The following SNX29 variants were observed in gnomAD, a reference collection of about 807,000 sequenced individuals.
SNX29 encodes sorting nexin-29.
SNX29 carries 78 observed loss-of-function variants against 102.1 expected under a neutral mutation model. The ratio of observed to expected loss-of-function variants is 0.76; its 90% CI spans 0.64 to 0.92. The LOEUF (loss-of-function observed/expected upper bound fraction) is 0.92, where lower values mean the gene tolerates loss of function less well. Among genes scored for constraint, SNX29 ranks in the 40% least tolerant of loss-of-function variants. The pLI is 0.00. For synonymous variants in SNX29, 580 were observed against 414.5 expected (o/e 1.40, Z -4.85); for missense variants, 1,280 against 1,061.7 (o/e 1.21, Z -2.86).
chr16:12,539,595 C>T (rs1034012606), intron 20 of SNX29, among the ~76,000 whole-genome samples: 1 of 152,158 alleles, frequency 6.6e-6, no homozygotes, highest in Admixed American at 6.5e-5. Flanking sequence ...TTCTGTGCGG[C>T]AAATACCTAA....
At chr16:12,356,345 C>T in intron 16 of SNX29, 66 bp downstream of exon 16, 1 of 1,390,282 alleles carries the variant, frequency 7.2e-7, no homozygotes, top group Non-Finnish European at 9.9e-7. Flanking sequence ...TAGAAAAGCA[C>T]AGAGACTCAC....
Position 12,365,903 on chromosome 16 carries a change from G to C in SNX29, c.1899+9624G>C, listed in dbSNP as rs1396435540. Among the ~76,000 whole-genome samples the C allele has an allele frequency of 2.0e-5, 3 of 151,532 alleles. No individual in the cohort carries two copies. In the South Asian group the frequency reaches 6.3e-4, roughly 32 times the overall value. On this transcript the variant is annotated intron_variant, in intron 16 of 20. Coordinates refer to ENST00000566228, the MANE Select transcript of SNX29 (RefSeq NM_032167.5). ...TAAAAATACAAAAAATTAGCCATGC[G>C]TGGTGGCGGGCGCTTGTAGTCCCAG... is the stretch of plus-strand genomic sequence containing the variant.
chr16:12,314,530 G>C (rs988055928), intron 15 of SNX29, among the ~76,000 whole-genome samples: 12 of 152,316 alleles, frequency 7.9e-5, no homozygotes, highest in East Asian at 1.9e-4. Flanking sequence ...TCTTAATAGT[G>C]GTTTGTTGTG....
At chr16:12,287,838 G>C (rs1056408494) in intron 15 of SNX29, among the ~76,000 whole-genome samples, 4 of 152,088 alleles carry the variant, frequency 2.6e-5, no homozygotes, top group East Asian at 1.9e-4. Flanking sequence ...TCTTCCTTAC[G>C]TGTCATTTAT....
intron 20 of SNX29, among the ~76,000 whole-genome samples, chr16:12,562,786 A>AC (rs2078801716): frequency 6.6e-6 from 1 of 152,160 alleles, no homozygotes; most frequent in African/African-American, 2.4e-5. Flanking sequence ...TTTAGCCATC[A>AC]CCATCAAGAT....
At chr16:12,562,562 C>CGT (rs2078788263) in intron 20 of SNX29, among the ~76,000 whole-genome samples, 1 of 152,166 alleles carries the variant, frequency 6.6e-6, no homozygotes, top group Non-Finnish European at 1.5e-5. Context: ...ACACTGTCCC[C>CGT]GTGGTCCCTA....
intron 14 of SNX29, among the ~76,000 whole-genome samples, chr16:12,256,984 T>C (rs1351129133): frequency 2.0e-5 from 3 of 152,228 alleles, no homozygotes; most frequent in African/African-American, 4.8e-5. Flanking sequence ...TAACAAATTA[T>C]CTTACAGATT....
chr16:12,192,916 G>A (rs1353805907), intron 13 of SNX29, among the ~76,000 whole-genome samples: 1 of 152,132 alleles, frequency 6.6e-6, no homozygotes, highest in Non-Finnish European at 1.5e-5. Context: ...TGGCCAGGCT[G>A]GTCTTGAACT....
chr16:12,268,022 G>T (rs116865347), intron 14 of SNX29, among the ~76,000 whole-genome samples: 1 of 152,142 alleles, frequency 6.6e-6, no homozygotes, highest in Non-Finnish European at 1.5e-5. Context: ...TTGCATTTGC[G>T]GTTCCCGGGA....
intron 14 of SNX29, among the ~76,000 whole-genome samples, chr16:12,229,707 A>T (rs761315241): frequency 1.3e-5 from 2 of 152,010 alleles, no homozygotes; most frequent in Non-Finnish European, 2.9e-5. Flanking sequence ...CAATTGAAGT[A>T]GTGTAGAGGG....
At chr16:12,216,691 A>G (rs1327615402) in intron 14 of SNX29, among the ~76,000 whole-genome samples, 2 of 152,164 alleles carry the variant, frequency 1.3e-5, no homozygotes, top group African/African-American at 2.4e-5. Context: ...CCTTGGGCAC[A>G]TTGCCTGCCC....
chr16:12,243,242 G>T (rs1210351154), intron 14 of SNX29, among the ~76,000 whole-genome samples: 2 of 152,198 alleles, frequency 1.3e-5, no homozygotes, highest in African/African-American at 4.8e-5. Context: ...CCACTCTAGG[G>T]CGTATGCCAG....
At chr16:12,089,927 CT>C (rs1436671032) in intron 11 of SNX29, 3 of 286,106 alleles carry the variant, frequency 1.0e-5, no homozygotes, top group Non-Finnish European at 2.1e-5. Context: ...CCTGAGTTGA[CT>C]TAGCGGCCAT....
chr16:12,546,712 ATT>A (rs907424062), intron 20 of SNX29: 4 of 152,210 alleles, frequency 2.6e-5, no homozygotes, highest in Non-Finnish European at 4.4e-5. Context: ...TAAAGCTATT[ATT>A]TTGACTAGAA....
At chr16:12,210,051 C>T (rs1023605639) in intron 14 of SNX29, among the ~76,000 whole-genome samples, 2 of 152,196 alleles carry the variant, frequency 1.3e-5, no homozygotes, top group African/African-American at 4.8e-5. Context: ...ATCCATTCCC[C>T]CTTTCCTGGT....
intron 3 of SNX29, among the ~76,000 whole-genome samples, chr16:12,007,608 C>T (rs1596575440): frequency 6.6e-6 from 1 of 152,304 alleles, no homozygotes; most frequent in African/African-American, 2.4e-5. Context: ...GCCTCCCTTC[C>T]TCACCGCTGA....
intron 15 of SNX29, among the ~76,000 whole-genome samples, chr16:12,282,083 CAAAAAA>C (rs758827865): frequency 0.029 from 1,798 of 62,060 alleles, 48 homozygotes; most frequent in African/African-American, 0.11. Context: ...GACTCCATCT[CAAAAAA>C]AAAAAAAAAA....
At chr16:12,536,600 C>G (rs193282206) in intron 20 of SNX29, among the ~76,000 whole-genome samples, 13 of 152,288 alleles carry the variant, frequency 8.5e-5, no homozygotes, top group Admixed American at 6.5e-4. Flanking sequence ...AGAGAACGCA[C>G]TAACTAGTTT....
intron 14 of SNX29, among the ~76,000 whole-genome samples, chr16:12,253,437 A>G (rs934986503): frequency 6.6e-6 from 1 of 152,224 alleles, no homozygotes; most frequent in African/African-American, 2.4e-5. Flanking sequence ...AGAAGCTGAT[A>G]ATTGATATGG....
Sources: gnomAD v4.1 joint callset for allele counts (sites outside exome capture counted in the v4.1 genomes callset) on GRCh38, gnomAD v4.1.1 for gene constraint, MANE v1.5 for transcripts, NCBI Gene and HGNC (gene_info 2026-07-23, HGNC 2026-07-21) for gene names.